The following CA13 variants were observed in gnomAD, a reference collection of about 807,000 sequenced individuals.
CA13 encodes the protein carbonic anhydrase 13.
CA13 carries 21 observed loss-of-function variants against 31.5 expected under a neutral mutation model. The observed-to-expected ratio is 0.67, with a 90% CI of 0.47 to 0.96. CA13 has a LOEUF of 0.96. Among genes scored for constraint, CA13 ranks in the 40% least tolerant of loss-of-function variants. The pLI is 0.00. For synonymous variants in CA13, 117 were observed against 111.4 expected, an observed-to-expected ratio of 1.05 and a Z score of -0.32; for missense variants, 315 against 318.9, an observed-to-expected ratio of 0.99 and a Z score of 0.09.
intron 2 of CA13, among the ~76,000 whole-genome samples, chr8:85,257,936 A>AAT (rs1226865501): frequency 1.1e-4 from 16 of 148,664 alleles, no homozygotes; most frequent in Admixed American, 5.4e-4. Context: ...CCAGCCAAAA[A>AAT]ATATATATAT....
chr8:85,247,230 A>G (rs1049879242), intron 1 of CA13, among the ~76,000 whole-genome samples: 1 of 152,182 alleles, frequency 6.6e-6, no homozygotes, highest in Non-Finnish European at 1.5e-5. Flanking sequence ...GTTATTTAAT[A>G]GTCATTGAAT....
At chr8:85,279,172 T>G (rs1807661941) in intron 6 of CA13, among the ~76,000 whole-genome samples, 1 of 152,162 alleles carries the variant, frequency 6.6e-6, no homozygotes, top group South Asian at 2.1e-4. Context: ...GCAAAACAGG[T>G]CATACCTGCT....
chr8:85,251,843 C>T (rs972662268), intron 2 of CA13, among the ~76,000 whole-genome samples: 4 of 152,154 alleles, frequency 2.6e-5, no homozygotes, highest in African/African-American at 9.7e-5. Context: ...TGTGTATCAT[C>T]CTTGTTTTGC....
chr8:85,278,466 T>C (rs942261340), intron 6 of CA13, among the ~76,000 whole-genome samples: 1 of 152,132 alleles, frequency 6.6e-6, no homozygotes, highest in Non-Finnish European at 1.5e-5. Flanking sequence ...CTAGGAAGGT[T>C]AGTTAGAACT....
Position 85,245,714 on chromosome 8 carries a change from T to A in CA13, c.-115T>A. 2 of 1,245,948 alleles carry A rather than the reference T, an allele frequency of 1.6e-6. No homozygotes were observed. The highest frequency in any genetic ancestry group is 2.3e-6 in the Non-Finnish European group (2 of 857,916). 77.2% of individuals were successfully genotyped at this position (1,245,948 alleles called of 1,614,324 possible). Reference sequence around the variant, plus strand: ...GACCGGGTTCACGGTCTCGCACTCCTGCCGCCGGCGCCCCGCGGTCCCGCC... The same window carrying A: ...GACCGGGTTCACGGTCTCGCACTCCAGCCGCCGGCGCCCCGCGGTCCCGCC... On this transcript the variant is annotated 5_prime_UTR_variant, in exon 1 of 7. Transcript: ENST00000321764.
intron 6 of CA13, among the ~76,000 whole-genome samples, chr8:85,277,677 T>C (rs531498127): frequency 9.9e-5 from 15 of 152,170 alleles, no homozygotes; most frequent in Middle Eastern, 3.4e-3. Flanking sequence ...CACGAGGTGG[T>C]GTGGAGCAAC....
intron 3 of CA13, among the ~76,000 whole-genome samples, chr8:85,262,812 A>G (rs1280031343): frequency 6.6e-6 from 1 of 152,112 alleles, no homozygotes; most frequent in Non-Finnish European, 1.5e-5. Context: ...TGGCAGCTTT[A>G]GTGGCATTTG....
Position 85,245,762 on chromosome 8 carries a change from C to A in CA13, c.-67C>A. ...GCCCTAGCAGGCTCCTTCCCGGGCC[C>A]CTCCCCGCTCCCTCCTCTTTCTCGC... On this transcript the variant is annotated 5_prime_UTR_variant, in exon 1 of 7. Transcript: ENST00000321764. 1 of 1,580,306 alleles carries A rather than the reference C, an allele frequency of 6.3e-7. No individual in the cohort carries two copies. Among genetic ancestry groups the A allele is most frequent in the Non-Finnish European group, 8.7e-7 (1 of 1,150,070 alleles).
intron 6 of CA13, among the ~76,000 whole-genome samples, chr8:85,269,875 A>AT (rs200116373): frequency 0.01 from 1,542 of 149,676 alleles, 23 homozygotes; most frequent in East Asian, 0.065. Context: ...TGCCTGGCTT[A>AT]TTTTTTTTTT....
intron 2 of CA13, among the ~76,000 whole-genome samples, chr8:85,259,181 C>T (rs1245064032): frequency 3.9e-5 from 6 of 152,136 alleles, no homozygotes; most frequent in Admixed American, 1.3e-4. Context: ...ATGTCTGTTA[C>T]GATTTCCCAG....
intron 3 of CA13, among the ~76,000 whole-genome samples, chr8:85,263,121 G>A (rs1807407203): frequency 6.6e-6 from 1 of 152,178 alleles, no homozygotes; most frequent in African/African-American, 2.4e-5. Context: ...GGAAGTGGGA[G>A]CAGCAAGCTC....
Position 85,245,643 on chromosome 8 carries a change from C to G in CA13, c.-186C>G. ...AGTCAGCCAGCGGCGCGGGCGCCTT[C>G]CCCGCACGCCTCTGCCGTCTGGAGG... On this transcript the variant is annotated 5_prime_UTR_variant, in exon 1 of 7. Coordinates refer to ENST00000321764, the MANE Select transcript of CA13 (RefSeq NM_198584.3). 1 of 634,830 alleles carries G rather than the reference C, an allele frequency of 1.6e-6. No homozygotes were observed. The allele number at this position is 634,830 out of a possible 1,614,324, so 39.3% of individuals were successfully genotyped here. A position where few individuals can be genotyped will look rare whatever the true frequency, so the allele number is the denominator to read the frequency against.
At chr8:85,274,305 A>G (rs569973762) in intron 6 of CA13, among the ~76,000 whole-genome samples, 1 of 152,244 alleles carries the variant, frequency 6.6e-6, no homozygotes. Context: ...GTTTGTATCC[A>G]TCATGTCGCT....
At position 85,268,619 on chromosome 8, in the gene CA13, T is replaced by G; in HGVS notation, c.661T>G (p.Ser221Ala). 6.2e-7 allele frequency: 1 copy of G among 1,613,360 alleles called. No individual in the cohort carries two copies. Among genetic ancestry groups the G allele is most frequent in the South Asian group, 1.1e-5 (1 of 91,028 alleles). The change falls in exon 6 of 7, where the codon TCT becomes GCT. Residue 221 changes from serine to alanine, a missense_variant. Coordinates refer to ENST00000321764, the MANE Select transcript of CA13 (RefSeq NM_198584.3). ...TTTAAAGCAACCTATAAACATCAGC[T>G]CTCAACAGGTACATAATCTCTTCCA... ...IVLKQPINIS[S>A]QQLAKFRSLL...
intron 4 of CA13, chr8:85,267,139 TG>T: frequency 1.9e-6 from 1 of 526,710 alleles, no homozygotes; most frequent in Non-Finnish European, 2.4e-6. Flanking sequence ...AACGTTCACA[TG>T]TGGTTAGACA....
chr8:85,249,212 GT>G (rs1813783867), intron 1 of CA13, among the ~76,000 whole-genome samples: 1 of 152,138 alleles, frequency 6.6e-6, no homozygotes, highest in African/African-American at 2.4e-5. Flanking sequence ...CAGATTTAGA[GT>G]TTGGGCCAGG....
Position 85,259,493 on chromosome 8 carries a change from A to G in CA13, c.308A>G (p.Asp103Gly). 1 of 1,614,046 alleles carries G rather than the reference A, an allele frequency of 6.2e-7. No individual in the cohort carries two copies. Among genetic ancestry groups the G allele is most frequent in the Non-Finnish European group, 8.5e-7 (1 of 1,179,908 alleles). The change falls in exon 3 of 7, where the codon GAC (aspartate) becomes GGC (glycine). Residue 103 changes from aspartate to glycine, a missense_variant. Coordinates refer to ENST00000321764, the MANE Select transcript of CA13 (RefSeq NM_198584.3). Reference sequence around the variant, plus strand: ...CACCTTCACTGGGGGTCCGCTGATGACCACGGCTCCGAGCACATAGTAGAT... The same window carrying G: ...CACCTTCACTGGGGGTCCGCTGATGGCCACGGCTCCGAGCACATAGTAGAT... ...QVHLHWGSAD[D>G]HGSEHIVDGV... is the part of the protein sequence containing the mutation.
At chr8:85,271,165 T>C (rs936335399) in intron 6 of CA13, among the ~76,000 whole-genome samples, 1 of 152,178 alleles carries the variant, frequency 6.6e-6, no homozygotes, top group South Asian at 2.1e-4. Context: ...AGTCTAACCA[T>C]GAAAAAATAT....
intron 3 of CA13, among the ~76,000 whole-genome samples, chr8:85,261,731 A>G (rs1250264060): frequency 2.6e-5 from 4 of 151,188 alleles, no homozygotes; most frequent in South Asian, 2.1e-4. Context: ...CGGCCAGTGT[A>G]TATATATATA....
Sources: gnomAD v4.1 joint callset for allele counts (sites outside exome capture counted in the v4.1 genomes callset) on GRCh38, gnomAD v4.1.1 for gene constraint, MANE v1.5 for transcripts, NCBI Gene and HGNC (gene_info 2026-07-23, HGNC 2026-07-21) for gene names.